The following SETD6 variants were observed in gnomAD, a reference collection of about 807,000 sequenced individuals.
The protein encoded by SETD6 is SET domain containing 6, protein lysine methyltransferase, also known as N-lysine methyltransferase SETD6.
Under a neutral mutation model 52.7 loss-of-function variants are expected in SETD6, and 67 were observed. The observed-to-expected ratio is 1.27, with a 90% CI of 1.04 to 1.56. The LOEUF (loss-of-function observed/expected upper bound fraction) is 1.56, where lower values mean the gene tolerates loss of function less well. Ranked by LOEUF, SETD6 falls within the 40% of genes most tolerant of loss-of-function variation. The pLI is 0.00. For missense variants in SETD6, 712 were observed against 607.5 expected (o/e 1.17, Z -1.81); for synonymous variants, 307 against 250.2 (o/e 1.23, Z -2.14).
In SETD6 at chr16:58,523,841, C is replaced by T; in HGVS notation, c.*4812C>T. On this transcript the variant is annotated 3_prime_UTR_variant, in exon 8 of 8. Coordinates refer to ENST00000219315, the MANE Select transcript of SETD6 (RefSeq NM_001160305.4). ...GCTTAATAAAAGACAGCTGGATTCTCATTTCTGCTTCTGTGTTCAACTTGT... is the reference window on the plus strand; with the variant it reads ...GCTTAATAAAAGACAGCTGGATTCTTATTTCTGCTTCTGTGTTCAACTTGT... 1 of 197,652 alleles carries T rather than the reference C, an allele frequency of 5.1e-6. No homozygotes were observed. Among genetic ancestry groups the T allele is most frequent in the African/African-American group, 2.3e-5 (1 of 43,058 alleles). 12.2% of individuals were successfully genotyped at this position (197,652 alleles called of 1,614,324 possible). A position where few individuals can be genotyped will look rare whatever the true frequency, so the allele number is the denominator to read the frequency against.
Position 58,518,404 on chromosome 16 carries a change from CA to C in SETD6, c.982del (p.Thr328LeufsTer7). On this transcript the variant is annotated frameshift_variant, in exon 7 of 8. Coordinates refer to ENST00000219315, the MANE Select transcript of SETD6 (RefSeq NM_001160305.4). LOFTEE classifies it high-confidence loss of function. ...CACATTGCTGTTTCATCTACAGGAA[CA>C]AAAACTGAAGCTGAAAGGCACCTAG... The part of the protein sequence containing the change: ...VTVREAALQG[T>X]KTEAERHLVY... 1.3e-6 allele frequency: 2 copies of C among 1,580,354 alleles called. No homozygotes were observed. Among genetic ancestry groups the C allele is most frequent in the Non-Finnish European group, 1.7e-6 (2 of 1,169,048 alleles).
chr16:58,523,441 G>A lies in SETD6; in HGVS notation c.*4412G>A, dbSNP rs771740649. ...GGTACAGCATGGTGCAACTGAAGTA[G>A]TGAGTGTGGCTATTTGGGTACCGGA... is the stretch of plus-strand genomic sequence containing the variant. On this transcript the variant is annotated 3_prime_UTR_variant, in exon 8 of 8. Transcript: ENST00000219315. The A allele has an allele frequency of 1.1e-5, 17 of 1,613,968 alleles. No individual in the cohort carries two copies. The highest frequency in any genetic ancestry group is 1.4e-5 in the Non-Finnish European group (17 of 1,179,926).
In SETD6 at chr16:58,516,878, G is replaced by T. The variant is rs1555491432; in HGVS notation, c.742G>T (p.Asp248Tyr). 6.2e-7 allele frequency: 1 copy of T among 1,614,174 alleles called. No homozygotes were observed. The highest frequency in any genetic ancestry group is 1.1e-5 in the South Asian group (1 of 91,080). ...PNSPVMVPAADILNHLANHNA... is the reference protein window; with the variant it reads ...PNSPVMVPAAYILNHLANHNA... ...CTCCCCCGTGATGGTGCCTGCTGCA[G>T]ACATACTAAACCACTTAGCCAATCA... Residue 248 changes from aspartate to tyrosine, a missense_variant, in exon 5 of 8, where the codon GAC (aspartate) becomes TAC (tyrosine). Coordinates refer to ENST00000219315, the MANE Select transcript of SETD6 (RefSeq NM_001160305.4).
rs1597390543 is a variant in SETD6 at position 58,523,272 on chromosome 16, CG to C, written c.*4245del. On this transcript the variant is annotated 3_prime_UTR_variant, in exon 8 of 8. Transcript: ENST00000219315. ...AAAAACAAAAAAAAAACCAACCAAA[CG>C]GATTTTCACTGAACACTGAAAGCAT... The C allele has an allele frequency of 1.5e-6, 2 of 1,310,932 alleles. No homozygotes were observed. The highest frequency in any genetic ancestry group is 3.1e-5 in the African/African-American group (2 of 64,796). The allele number at this position is 1,310,932 out of a possible 1,614,324, so 81.2% of individuals were successfully genotyped here.
intron 1 of SETD6, 74 bp from the exon 2 acceptor site, chr16:58,515,717 C>T (rs572405063): frequency 2.0e-5 from 28 of 1,402,172 alleles, no homozygotes; most frequent in African/African-American, 6.1e-5. Flanking sequence ...GTTCTGCGCT[C>T]GCGCCGCGGT....
intron 5 of SETD6, 34 bp from the exon 6 acceptor site, chr16:58,518,017 A>C: frequency 4.3e-6 from 7 of 1,613,898 alleles, no homozygotes; most frequent in Admixed American, 1.7e-5. Context: ...TGGCCCGTGA[A>C]AGGCATGGCC....
Position 58,520,949 on chromosome 16 carries a change from C to T in SETD6, c.*1920C>T. On this transcript the variant is annotated 3_prime_UTR_variant, in exon 8 of 8. Coordinates refer to ENST00000219315, the MANE Select transcript of SETD6 (RefSeq NM_001160305.4). ...TAGACTGACACGTACAACAGAGATG[C>T]AGTTTCGTCTAACTGGCACCTGTCC... 1.9e-6 allele frequency: 3 copies of T among 1,612,422 alleles called. No individual in the cohort carries two copies. The highest frequency in any genetic ancestry group is 2.5e-6 in the Non-Finnish European group (3 of 1,179,828).
At position 58,522,200 on chromosome 16, in the gene SETD6, T is replaced by C. The variant is rs1260765456; in HGVS notation, c.*3171T>C. Among the ~76,000 whole-genome samples, 4 of 121,404 alleles carry C rather than the reference T, an allele frequency of 3.3e-5. No individual in the cohort carries two copies. The highest frequency in any genetic ancestry group is 3.3e-5 in the African/African-American group (1 of 30,114). The allele number at this position is 121,404 out of a possible 152,430, so 79.6% of individuals were successfully genotyped here. The stretch of plus-strand genomic sequence containing the variant: ...CGGACGTGGTGGCAGGTGCCTGTAA[T>C]CCCAGCTACTCAGGAGGCGACAAAG... On this transcript the variant is annotated 3_prime_UTR_variant, in exon 8 of 8. Transcript: ENST00000219315.
At position 58,516,875 on chromosome 16, in the gene SETD6, G is replaced by C; in HGVS notation, c.739G>C (p.Ala247Pro). Residue 247 changes from alanine to proline, a missense_variant, in exon 5 of 8, where the codon GCA (alanine) becomes CCA (proline). By Grantham distance (27) the Ala-to-Pro change is conservative (BLOSUM62 -1). Coordinates refer to ENST00000219315, the MANE Select transcript of SETD6 (RefSeq NM_001160305.4). ...EPNSPVMVPA[A>P]DILNHLANHN... Reference sequence around the variant, plus strand: ...CAACTCCCCCGTGATGGTGCCTGCTGCAGACATACTAAACCACTTAGCCAA... The same window carrying C: ...CAACTCCCCCGTGATGGTGCCTGCTCCAGACATACTAAACCACTTAGCCAA... 2 of 1,614,174 alleles carry C rather than the reference G, an allele frequency of 1.2e-6. No homozygotes were observed. The highest frequency in any genetic ancestry group is 1.7e-6 in the Non-Finnish European group (2 of 1,180,028).
Position 58,520,693 on chromosome 16 carries a change from G to T in SETD6, c.*1664G>T. On this transcript the variant is annotated 3_prime_UTR_variant, in exon 8 of 8. Coordinates refer to ENST00000219315, the MANE Select transcript of SETD6 (RefSeq NM_001160305.4). ...ACAAAGCCAAGAAGTTCCAGACAAA[G>T]GTTTTCTCTTTCATGTATTTACACA... 1 of 474,568 alleles carries T rather than the reference G, an allele frequency of 2.1e-6. No individual in the cohort carries two copies. The highest frequency in any genetic ancestry group is 2.6e-5 in the South Asian group (1 of 38,930). 29.4% of individuals were successfully genotyped at this position (474,568 alleles called of 1,614,324 possible).
intron 6 of SETD6, 81 bp downstream of exon 6, chr16:58,518,312 G>A: frequency 1.2e-6 from 2 of 1,601,086 alleles, no homozygotes; most frequent in Non-Finnish European, 1.7e-6. Context: ...TTGCTAAATA[G>A]CAGTTGACTT....
In SETD6 at chr16:58,523,486, C is replaced by T. The variant is rs1410545556; in HGVS notation, c.*4457C>T. On this transcript the variant is annotated 3_prime_UTR_variant, in exon 8 of 8. Transcript: ENST00000219315. ...ACCGGAGCTGATTTGCAATTGCATTCAAAAAGAGATAGCGACCTAGAAATT... is the reference window on the plus strand; with the variant it reads ...ACCGGAGCTGATTTGCAATTGCATTTAAAAAGAGATAGCGACCTAGAAATT... The T allele has an allele frequency of 1.2e-6, 2 of 1,613,458 alleles. No homozygotes were observed. Among genetic ancestry groups the T allele is most frequent in the South Asian group, 2.2e-5 (2 of 91,008 alleles).
chr16:58,516,559 C>T lies in SETD6; in HGVS notation c.558C>T (p.Ser186=). 1.2e-6 allele frequency: 2 copies of T among 1,614,162 alleles called. No homozygotes were observed. The highest frequency in any genetic ancestry group is 1.1e-5 in the South Asian group (1 of 91,076). Residue 186 remains serine, a synonymous_variant, in exon 4 of 8, where the codon AGC becomes AGT. Transcript: ENST00000219315. The part of the protein sequence containing the change: ...AVEKDLANIR[S]EYQSIVLPFM... ...AGAAGGATTTGGCCAACATCCGCAG[C>T]GAGTACCAGTCCATCGTGCTGCCCT...
chr16:58,518,298 A>C, intron 6 of SETD6, 67 bp downstream of exon 6: 1 of 1,605,018 alleles, frequency 6.2e-7, no homozygotes, highest in South Asian at 1.1e-5. Flanking sequence ...CAGGTTAAAT[A>C]GCTTTGCTAA....
In SETD6 at chr16:58,518,926, A is replaced by C. The variant is rs939614861; in HGVS notation, c.1319A>C (p.Asn440Thr). 4 of 1,614,110 alleles carry C rather than the reference A, an allele frequency of 2.5e-6. No homozygotes were observed. In the African/African-American group the frequency reaches 5.3e-5, roughly 22 times the overall value. The change falls in exon 8 of 8, where the codon AAT becomes ACT. Residue 440 changes from asparagine (N) to threonine (T), a missense_variant. By Grantham distance (65) the Asn-to-Thr change is moderately conservative. Coordinates refer to ENST00000219315, the MANE Select transcript of SETD6 (RefSeq NM_001160305.4). The part of the protein sequence containing the change: ...DLKTDQGLLS[N>T]KEVYAKLSWR... Reference sequence around the variant, plus strand: ...AAAACTGACCAAGGTTTACTCAGTAATAAGGAAGTCTATGCGAAACTCAGC... The same window carrying C: ...AAAACTGACCAAGGTTTACTCAGTACTAAGGAAGTCTATGCGAAACTCAGC...
In SETD6 at chr16:58,518,716, G is replaced by A; in HGVS notation, c.1117-8G>A. 6.2e-7 allele frequency: 1 copy of A among 1,610,004 alleles called. No homozygotes were observed. Among genetic ancestry groups the A allele is most frequent in the Non-Finnish European group, 8.5e-7 (1 of 1,178,352 alleles). ...CATCTAATTAAAGAGCTCTGTGGTT[G>A]CTTCTAGGTACTGTGCATGCCTGCT... On this transcript the variant is annotated splice_region_variant and splice_polypyrimidine_tract_variant and intron_variant, in intron 7 of 7. Coordinates refer to ENST00000219315, the MANE Select transcript of SETD6 (RefSeq NM_001160305.4).
In SETD6 at chr16:58,516,148, G is replaced by GCGGTT. The variant is rs1555491248; in HGVS notation, c.335-51_335-50insTTCGG. The GCGGTT allele has an allele frequency of 6.1e-3, 7,168 of 1,183,360 alleles. 512 individuals are homozygous for GCGGTT. Among genetic ancestry groups the GCGGTT allele is most frequent in the South Asian group, 0.021 (794 of 37,784 alleles). 73.3% of individuals were successfully genotyped at this position (1,183,360 alleles called of 1,614,324 possible). A position where few individuals can be genotyped will look rare whatever the true frequency, so the allele number is the denominator to read the frequency against. ...CTGGGGCGGGGCGGGGCGGGGCGGG[G>GCGGTT]CGGGCCCGGCCCGCGAGGCCGCGCC... On this transcript the variant is annotated intron_variant, in intron 2 of 7. Transcript: ENST00000219315.
In SETD6 at chr16:58,518,105, A is replaced by C; in HGVS notation, c.847A>C (p.Asn283His). The C allele has an allele frequency of 6.2e-7, 1 of 1,614,224 alleles. No individual in the cohort carries two copies. The highest frequency in any genetic ancestry group is 8.5e-7 in the Non-Finnish European group (1 of 1,180,034). ...QPIPKGHEIF[N>H]TYGQMANWQL... ...CATTCCTAAAGGCCATGAGATTTTCAACACTTATGGGCAAATGGCTAACTG... is the reference window on the plus strand; with the variant it reads ...CATTCCTAAAGGCCATGAGATTTTCCACACTTATGGGCAAATGGCTAACTG... Residue 283 changes from asparagine to histidine, a missense_variant, in exon 6 of 8, where the codon AAC becomes CAC. By Grantham distance (68) the Asn-to-His change is moderately conservative. Coordinates refer to ENST00000219315, the MANE Select transcript of SETD6 (RefSeq NM_001160305.4).
In SETD6 at chr16:58,520,858, T is replaced by C; in HGVS notation, c.*1829T>C. ...GGCAGATACCCACAAACCAAAGGGC[T>C]GGGAAAGTCAGGAAGAGCTGAAAGG... On this transcript the variant is annotated 3_prime_UTR_variant, in exon 8 of 8. Coordinates refer to ENST00000219315, the MANE Select transcript of SETD6 (RefSeq NM_001160305.4). 1.6e-6 allele frequency: 2 copies of C among 1,258,256 alleles called. No individual in the cohort carries two copies. The highest frequency in any genetic ancestry group is 2.5e-5 in the South Asian group (2 of 81,178). The allele number at this position is 1,258,256 out of a possible 1,614,324, so 77.9% of individuals were successfully genotyped here.
Sources: gnomAD v4.1 joint callset for allele counts (sites outside exome capture counted in the v4.1 genomes callset) on GRCh38, gnomAD v4.1.1 for gene constraint, MANE v1.5 for transcripts, NCBI Gene and HGNC (gene_info 2026-07-23, HGNC 2026-07-21) for gene names.